ABAT: variants seen among roughly 807,000 people sequenced by gnomAD.
The protein encoded by ABAT is 4-aminobutyrate aminotransferase, also known as 4-aminobutyrate aminotransferase, mitochondrial.
A neutral mutation model predicts 64.6 loss-of-function variants in ABAT; 45 were observed. That is an observed-to-expected ratio of 0.70 (90% CI 0.55 to 0.89). ABAT has a LOEUF of 0.89. ABAT is among the 40% of genes least tolerant of loss of function. The pLI is 0.00. For synonymous variants in ABAT, 297 were observed against 250.5 expected, an observed-to-expected ratio of 1.19 and a Z score of -1.75; for missense variants, 633 against 658.4, an observed-to-expected ratio of 0.96 and a Z score of 0.42.
chr16:8,686,617 A>C (rs2057462137), intron 1 of ABAT, among the ~76,000 whole-genome samples: 1 of 152,202 alleles, frequency 6.6e-6, no homozygotes, highest in South Asian at 2.1e-4. Flanking sequence ...GGAAACTCAG[A>C]AAGGATGACT....
At chr16:8,754,179 T>TTAAAAAAA (rs2059572996) in intron 5 of ABAT, among the ~76,000 whole-genome samples, 1 of 63,822 alleles carries the variant, frequency 1.6e-5, no homozygotes, top group Admixed American at 2.7e-4. Flanking sequence ...ACCCTGTCTA[T>TTAAAAAAA]AAAAAAAAAA....
chr16:8,704,842 T>A (rs2057904390), intron 1 of ABAT, among the ~76,000 whole-genome samples: 1 of 151,894 alleles, frequency 6.6e-6, no homozygotes, highest in East Asian at 1.9e-4. Context: ...GCTTCTTTTT[T>A]AAAAAAAAAT....
intron 2 of ABAT, among the ~76,000 whole-genome samples, chr16:8,738,684 C>G (rs1263331394): frequency 6.9e-6 from 1 of 144,566 alleles, no homozygotes; most frequent in East Asian, 2.1e-4. Context: ...CTCTGTTGGC[C>G]AGGCTGGAGT....
chr16:8,736,738 AT>A (rs1420023504), intron 2 of ABAT: 1 of 151,894 alleles, frequency 6.6e-6, no homozygotes, highest in Non-Finnish European at 1.5e-5. Flanking sequence ...AGTGAATCCT[AT>A]TTTACAGGTG....
chr16:8,703,814 T>C (rs967969682), intron 1 of ABAT, among the ~76,000 whole-genome samples: 1 of 152,236 alleles, frequency 6.6e-6, no homozygotes, highest in Non-Finnish European at 1.5e-5. Flanking sequence ...ACAGTAAGTA[T>C]TTTTGGCATG....
intron 1 of ABAT, among the ~76,000 whole-genome samples, chr16:8,728,048 G>T (rs1393331218): frequency 6.7e-6 from 1 of 150,240 alleles, no homozygotes; most frequent in Non-Finnish European, 1.5e-5. Context: ...TCCAGCCTGG[G>T]CGACAGAGTG....
Position 8,781,748 on chromosome 16 carries a change from T to C in ABAT, c.*318T>C, listed in dbSNP as rs78352097. 6.3e-3 allele frequency: 2,781 copies of C among 441,374 alleles called. 64 individuals are homozygous for C. The highest frequency in any genetic ancestry group is 0.047 in the African/African-American group (2,367 of 50,074). The allele number at this position is 441,374 out of a possible 1,614,324, so 27.3% of individuals were successfully genotyped here. On this transcript the variant is annotated 3_prime_UTR_variant, in exon 16 of 16. Transcript: ENST00000268251. The surrounding 1 kb of genome is among the most constrained non-coding windows in gnomAD (Gnocchi z 4.5). ...CCCAACCTTGACCAACCCCAGCAAT[T>C]TTTCCAAAAGCCAGTCAAGGGCATT...
intron 1 of ABAT, among the ~76,000 whole-genome samples, chr16:8,709,436 C>T (rs892322327): frequency 6.6e-6 from 1 of 152,022 alleles, no homozygotes; most frequent in African/African-American, 2.4e-5. Flanking sequence ...TGCAGTAGCA[C>T]TATCTCAGCT....
In ABAT at chr16:8,784,153, C is replaced by G. The variant is rs930857554; in HGVS notation, c.*2723C>G. 3 of 152,626 alleles carry G rather than the reference C, an allele frequency of 2.0e-5. No individual in the cohort carries two copies. Among genetic ancestry groups the G allele is most frequent in the African/African-American group, 7.2e-5 (3 of 41,442 alleles). 9.5% of individuals were successfully genotyped at this position (152,626 alleles called of 1,614,324 possible). On this transcript the variant is annotated 3_prime_UTR_variant, in exon 16 of 16. Transcript: ENST00000268251. ...CGTGGCCGACAGTCTGGAAATGAAT[C>G]CATCATACATTAGTGCCATAGAGTT...
chr16:8,774,416 A>G (rs1289430357), intron 12 of ABAT, among the ~76,000 whole-genome samples: 2 of 152,090 alleles, frequency 1.3e-5, no homozygotes, highest in East Asian at 1.9e-4. Context: ...ATAACTGGCA[A>G]TCAAACCGAT....
intron 1 of ABAT, among the ~76,000 whole-genome samples, chr16:8,734,039 A>G (rs1052369442): frequency 1.8e-4 from 28 of 152,280 alleles, no homozygotes; most frequent in Non-Finnish European, 3.8e-4. Flanking sequence ...TCATCTGTCA[A>G]TGGACGTCTA....
intron 1 of ABAT, among the ~76,000 whole-genome samples, chr16:8,690,434 T>C (rs1052846846): frequency 6.6e-6 from 1 of 152,214 alleles, no homozygotes; most frequent in African/African-American, 2.4e-5. Context: ...CCACACACCT[T>C]CCAAAGGGCA....
At chr16:8,702,394 A>T (rs953204183) in intron 1 of ABAT, among the ~76,000 whole-genome samples, 8 of 152,036 alleles carry the variant, frequency 5.3e-5, no homozygotes, top group Non-Finnish European at 1.2e-4. Flanking sequence ...CTGGGATTAT[A>T]GGCATGCACC....
At chr16:8,770,029 AG>A (rs1273261476) in intron 11 of ABAT, among the ~76,000 whole-genome samples, 1 of 152,218 alleles carries the variant, frequency 6.6e-6, no homozygotes, top group Non-Finnish European at 1.5e-5. Flanking sequence ...ACTGTCCAAT[AG>A]AAATATAATG....
At position 8,748,227 on chromosome 16, in the gene ABAT, T is replaced by A. The variant is rs2059386973; in HGVS notation, c.198+90T>A. 18 of 1,279,756 alleles carry A rather than the reference T, an allele frequency of 1.4e-5. No individual in the cohort carries two copies. The South Asian group carries it at 1.6e-4, about 11-fold the overall frequency. The allele number at this position is 1,279,756 out of a possible 1,614,324, so 79.3% of individuals were successfully genotyped here. A position where few individuals can be genotyped will look rare whatever the true frequency, so the allele number is the denominator to read the frequency against. Reference sequence around the variant, plus strand: ...TGCTTAATCTGTTCTGGCTCTTTTTTAAAAAAAATGTAGTTGACTTTTGTT... The same window carrying A: ...TGCTTAATCTGTTCTGGCTCTTTTTAAAAAAAAATGTAGTTGACTTTTGTT... On this transcript the variant is annotated intron_variant, in intron 4 of 15. Coordinates refer to ENST00000268251, the MANE Select transcript of ABAT (RefSeq NM_020686.6).
intron 1 of ABAT, among the ~76,000 whole-genome samples, chr16:8,696,557 CAGTGAGCCGA>C (rs2142000296): frequency 6.6e-6 from 1 of 152,260 alleles, no homozygotes; most frequent in East Asian, 1.9e-4. Context: ...GCAGAGGTTG[CAGTGAGCCGA>C]AGCTGTGGAG....
chr16:8,695,732 G>C (rs1373544582), intron 1 of ABAT, among the ~76,000 whole-genome samples: 1 of 152,162 alleles, frequency 6.6e-6, no homozygotes, highest in African/African-American at 2.4e-5. Context: ...TTGCATTGGA[G>C]TGATGTTAAG....
At position 8,743,444 on chromosome 16, in the gene ABAT, T is replaced by TATATATATATATATAC. The variant is rs368568293; in HGVS notation, c.71-2556_71-2555insTATATATATATATACA. ...ACAGTTATATATATATATATATATA[T>TATATATATATATATAC]ACACACATTTTATAATATATTATAT... is the stretch of plus-strand genomic sequence containing the variant. On this transcript the variant is annotated intron_variant, in intron 2 of 15. Transcript: ENST00000268251. Among the ~76,000 whole-genome samples, 147 of 117,624 alleles carry TATATATATATATATAC rather than the reference T, an allele frequency of 1.2e-3. 3 individuals carry two copies. The highest frequency in any genetic ancestry group is 2.3e-3 in the African/African-American group (62 of 26,790). The allele number at this position is 117,624 out of a possible 152,430, so 77.2% of individuals were successfully genotyped here.
chr16:8,766,107 C>G, intron 8 of ABAT, 101 bp from the exon 9 acceptor site: 1 of 1,103,130 alleles, frequency 9.1e-7, no homozygotes. Flanking sequence ...CCTGAGAAAG[C>G]ACTTTCTACT....
Sources: gnomAD v4.1 joint callset for allele counts (sites outside exome capture counted in the v4.1 genomes callset) on GRCh38, gnomAD v4.1.1 for gene constraint, Gnocchi (gnomAD v3.1) non-coding constraint, MANE v1.5 for transcripts, NCBI Gene and HGNC (gene_info 2026-07-23, HGNC 2026-07-21) for gene names.